Variants in COL21A1 observed in about 807,000 individuals in gnomAD.
COL21A1 encodes the protein collagen alpha-1(XXI) chain.
In COL21A1, 149 loss-of-function variants were observed where a neutral mutation model predicts 137.9. The ratio of observed to expected loss-of-function variants is 1.08; its 90% CI spans 0.95 to 1.24. COL21A1 has a LOEUF of 1.24. Ranked by LOEUF, COL21A1 falls within the 50% of genes most tolerant of loss-of-function variation. The pLI is 0.00. For missense variants in COL21A1, 1,167 were observed against 1,158.4 expected, an observed-to-expected ratio of 1.01 and a Z score of -0.11; for synonymous variants, 456 against 391.5, an observed-to-expected ratio of 1.16 and a Z score of -1.95.
intron 1 of COL21A1, among the ~76,000 whole-genome samples, chr6:56,200,275 G>C (rs1422945847): frequency 1.3e-5 from 2 of 152,078 alleles, no homozygotes; most frequent in Non-Finnish European, 2.9e-5. Context: ...GTCTATTAAA[G>C]GGTTTTAAGC....
chr6:56,291,941 G>C (rs1764056576), intron 1 of COL21A1, among the ~76,000 whole-genome samples: 1 of 152,176 alleles, frequency 6.6e-6, no homozygotes, highest in Admixed American at 6.5e-5. Flanking sequence ...GCCAAGGTGG[G>C]CAGATCACCT....
intron 1 of COL21A1, among the ~76,000 whole-genome samples, chr6:56,300,942 A>G (rs576280821): frequency 1.3e-4 from 20 of 152,228 alleles, no homozygotes; most frequent in Non-Finnish European, 2.5e-4. Context: ...TTTCATTCCG[A>G]CAAACATATT....
At chr6:56,108,635 A>G (rs1191694203) in intron 16 of COL21A1, among the ~76,000 whole-genome samples, 4 of 151,952 alleles carry the variant, frequency 2.6e-5, no homozygotes, top group Non-Finnish European at 2.9e-5. Flanking sequence ...ATAGACAAAA[A>G]TGCACGAATA....
At chr6:56,225,888 C>T (rs933830375) in intron 1 of COL21A1, 4 of 152,046 alleles carry the variant, frequency 2.6e-5, no homozygotes, top group African/African-American at 9.6e-5. Context: ...TTCCTGTGGG[C>T]TTTGTTTCCT....
intron 17 of COL21A1, among the ~76,000 whole-genome samples, chr6:56,081,062 T>C (rs1767716199): frequency 6.6e-6 from 1 of 151,786 alleles, no homozygotes; most frequent in Non-Finnish European, 1.5e-5. Context: ...ATAGAGTTGG[T>C]ACATTCTATC....
chr6:56,324,994 G>C (rs184725453), intron 1 of COL21A1, among the ~76,000 whole-genome samples: 29 of 151,414 alleles, frequency 1.9e-4, no homozygotes, highest in African/African-American at 6.8e-4. Context: ...AACAGATCTT[G>C]CCAAGTTTCT....
At chr6:56,077,914 A>G (rs1767388292) in intron 17 of COL21A1, 1 of 365,426 alleles carries the variant, frequency 2.7e-6, no homozygotes, top group African/African-American at 2.1e-5. Context: ...CATGCAAGAA[A>G]ATCTGTTAAA....
Position 56,073,104 on chromosome 6 carries a change from TA to T in COL21A1, c.1965+1127del, listed in dbSNP as rs200259517. Among the ~76,000 whole-genome samples, 465 of 129,068 alleles carry T rather than the reference TA, an allele frequency of 3.6e-3. 5 individuals are homozygous for T. The highest frequency in any genetic ancestry group is 0.027 in the South Asian group (114 of 4,188). 84.7% of individuals were successfully genotyped at this position (129,068 alleles called of 152,430 possible). A position where few individuals can be genotyped will look rare whatever the true frequency, so the allele number is the denominator to read the frequency against. ...TGAGTCAACAGTGTGGTGTATCTAA[TA>T]AAAAAAAAAAAAGCTGATGAAATTT... is the stretch of plus-strand genomic sequence containing the variant. On this transcript the variant is annotated intron_variant, in intron 20 of 29. Coordinates refer to ENST00000244728, the MANE Select transcript of COL21A1 (RefSeq NM_030820.4).
intron 1 of COL21A1, among the ~76,000 whole-genome samples, chr6:56,284,356 T>C (rs1213171511): frequency 2.0e-5 from 3 of 152,200 alleles, no homozygotes; most frequent in Non-Finnish European, 4.4e-5. Context: ...ACCTGGCCTG[T>C]AGTTTTTAAA....
At chr6:56,169,480 T>C (rs900917792) in intron 5 of COL21A1, among the ~76,000 whole-genome samples, 2 of 151,932 alleles carry the variant, frequency 1.3e-5, no homozygotes, top group East Asian at 1.9e-4. Flanking sequence ...AACCACATTA[T>C]ATGGCTTTCC....
At chr6:56,150,472 C>T (rs545922920) in intron 10 of COL21A1, among the ~76,000 whole-genome samples, 8 of 151,310 alleles carry the variant, frequency 5.3e-5, no homozygotes, top group Middle Eastern at 3.4e-3. Flanking sequence ...GAGCCGAGAG[C>T]GCGCCACTGC....
At chr6:56,304,598 T>C (rs1431129389) in intron 1 of COL21A1, among the ~76,000 whole-genome samples, 3 of 152,218 alleles carry the variant, frequency 2.0e-5, no homozygotes, top group Admixed American at 1.3e-4. Context: ...TCATTTTTTA[T>C]TGTGTCTATT....
In COL21A1 at chr6:56,267,770, A is replaced by AG. The variant is rs1453939441; in HGVS notation, c.-38-85115_-38-85114insC. On this transcript the variant is annotated intron_variant, in intron 1 of 28. Coordinates refer to the COL21A1 transcript ENST00000370819. ...AGACTCTGTTAAAAAAAAAAAAAAA[A>AG]AAGAAGAAGAAGAAGAAGAAGAGAG... Among the ~76,000 whole-genome samples the AG allele has an allele frequency of 4.4e-3, 548 of 125,782 alleles. 1 individual carries two copies. The highest frequency in any genetic ancestry group is 0.013 in the Middle Eastern group (3 of 236). 82.5% of individuals were successfully genotyped at this position (125,782 alleles called of 152,430 possible).
intron 16 of COL21A1, among the ~76,000 whole-genome samples, chr6:56,121,884 A>G (rs2764053): frequency 0.012 from 1,852 of 152,170 alleles, 30 homozygotes; most frequent in African/African-American, 0.043. Context: ...TTAAAAATTT[A>G]CAAACAGACA....
At chr6:56,125,800 A>T (rs985807087) in intron 13 of COL21A1, among the ~76,000 whole-genome samples, 180 bp from the exon 14 acceptor site, 2 of 152,042 alleles carry the variant, frequency 1.3e-5, no homozygotes, top group Non-Finnish European at 2.9e-5. Context: ...AGAAAAATTT[A>T]AAAAATAACA....
At chr6:56,380,935 TC>T (rs541207240) in intron 1 of COL21A1, among the ~76,000 whole-genome samples, 3 of 152,190 alleles carry the variant, frequency 2.0e-5, no homozygotes, top group Non-Finnish European at 4.4e-5. Flanking sequence ...CGGTAAGGTG[TC>T]TTTAAATAGA....
intron 1 of COL21A1, chr6:56,276,643 A>G: frequency 6.9e-7 from 1 of 1,443,712 alleles, no homozygotes; most frequent in African/African-American, 1.4e-5. Context: ...CAATTTCTGG[A>G]AAACACGTGT....
Position 56,219,102 on chromosome 6 carries a change from C to G in COL21A1, c.-39+28285G>C, listed in dbSNP as rs1349824118. On this transcript the variant is annotated intron_variant, in intron 1 of 29. Transcript: ENST00000244728. ...CAACAACAATGAACCAGTTCTCGAT[C>G]AAACTGTAACATGCAATGAAAAGTG... 6.1e-5 allele frequency among the ~76,000 whole-genome samples: 9 copies of G among 147,924 alleles called. No homozygotes were observed. In the Admixed American group the frequency reaches 6.2e-4, roughly 10 times the overall value.
intron 1 of COL21A1, among the ~76,000 whole-genome samples, chr6:56,391,253 T>G (rs2094029111): frequency 6.6e-6 from 1 of 151,990 alleles, no homozygotes; most frequent in South Asian, 2.1e-4. Flanking sequence ...AAAGGAAATT[T>G]TAAAATTTTG....
Sources: gnomAD v4.1 joint callset for allele counts (sites outside exome capture counted in the v4.1 genomes callset) on GRCh38, gnomAD v4.1.1 for gene constraint, MANE v1.5 for transcripts, NCBI Gene and HGNC (gene_info 2026-07-23, HGNC 2026-07-21) for gene names.